Variants in MMP10 observed in about 807,000 individuals in gnomAD.
MMP10 encodes stromelysin-2.
A neutral mutation model predicts 49.1 loss-of-function variants in MMP10; 50 were observed. That is an observed-to-expected ratio of 1.02 (90% CI 0.81 to 1.29). The LOEUF (loss-of-function observed/expected upper bound fraction) is 1.29. MMP10 is among the 50% of genes most tolerant of loss of function. The pLI is 0.00. For synonymous variants in MMP10, 229 were observed against 201.6 expected, an observed-to-expected ratio of 1.14 and a Z score of -1.15; for missense variants, 613 against 563.8, an observed-to-expected ratio of 1.09 and a Z score of -0.88.
intron 7 of MMP10, among the ~76,000 whole-genome samples, chr11:102,773,843 T>C (rs778834710): frequency 2.0e-5 from 3 of 152,228 alleles, no homozygotes; most frequent in Non-Finnish European, 4.4e-5. Context: ...TTGTCATATG[T>C]AGGCTGCCAA....
chr11:102,775,647 G>T (rs1261082156), intron 6 of MMP10, among the ~76,000 whole-genome samples: 1 of 152,178 alleles, frequency 6.6e-6, no homozygotes, highest in Non-Finnish European at 1.5e-5. Context: ...AGCAGTGGTT[G>T]CACATATGAA....
At position 102,778,852 on chromosome 11, in the gene MMP10, C is replaced by T. The variant is rs539231895; in HGVS notation, c.497-103G>A. 5.9e-5 allele frequency: 81 copies of T among 1,376,024 alleles called. No homozygotes were observed. In the East Asian group the frequency reaches 8.6e-4, roughly 15 times the overall value. The allele number at this position is 1,376,024 out of a possible 1,614,324, so 85.2% of individuals were successfully genotyped here. On this transcript the variant is annotated intron_variant, in intron 3 of 9. Coordinates refer to ENST00000279441, the MANE Select transcript of MMP10 (RefSeq NM_002425.3). ...TCTATAGTCTGAATGTTGGTGTCTG[C>T]TGCAAATTCATATGTTGAAACTCAA...
chr11:102,777,518 A>G (rs1048333114), intron 4 of MMP10, among the ~76,000 whole-genome samples: 3 of 152,012 alleles, frequency 2.0e-5, no homozygotes, highest in African/African-American at 4.8e-5. Context: ...GCCTCCCAAA[A>G]TGCTGGGATT....
rs1446069177 is a variant in MMP10 at position 102,770,553 on chromosome 11, T to C, written c.*240A>G. 1 of 399,388 alleles carries C rather than the reference T, an allele frequency of 2.5e-6. No homozygotes were observed. Among genetic ancestry groups the C allele is most frequent in the East Asian group, 4.0e-5 (1 of 24,892 alleles). The allele number at this position is 399,388 out of a possible 1,614,324, so 24.7% of individuals were successfully genotyped here. A position where few individuals can be genotyped will look rare whatever the true frequency, so the allele number is the denominator to read the frequency against. On this transcript the variant is annotated 3_prime_UTR_variant, in exon 10 of 10. Coordinates refer to ENST00000279441, the MANE Select transcript of MMP10 (RefSeq NM_002425.3). Reference sequence around the variant, plus strand: ...TTTATTGAGGAAGTAATAACACATCTATGAAAATACATTCTCTCACCTATT... The same window carrying C: ...TTTATTGAGGAAGTAATAACACATCCATGAAAATACATTCTCTCACCTATT...
Position 102,779,212 on chromosome 11 carries a change from C to G in MMP10, c.496+1G>C. 6.2e-7 allele frequency: 1 copy of G among 1,612,556 alleles called. No homozygotes were observed. On this transcript the variant is annotated splice_donor_variant, in intron 3 of 9. Coordinates refer to ENST00000279441, the MANE Select transcript of MMP10 (RefSeq NM_002425.3). LOFTEE classifies it high-confidence loss of function. ...GATAAATGGATGCTTTATTTGATTA[C>G]CTTTAACTGCAAAAGAGATCATTAT...
intron 9 of MMP10, among the ~76,000 whole-genome samples, chr11:102,771,584 G>T (rs1374648878): frequency 6.6e-6 from 1 of 152,154 alleles, no homozygotes; most frequent in Non-Finnish European, 1.5e-5. Flanking sequence ...GCAGGCAATC[G>T]CAGACTGCAA....
chr11:102,776,566 C>T (rs769175191), intron 5 of MMP10, 46 bp downstream of exon 5: 2 of 1,590,032 alleles, frequency 1.3e-6, no homozygotes, highest in Non-Finnish European at 1.7e-6. Context: ...TTCTGGAGGA[C>T]TGTCATTGTA....
intron 9 of MMP10, among the ~76,000 whole-genome samples, chr11:102,771,802 T>C (rs1172354752): frequency 8.0e-6 from 1 of 125,306 alleles, no homozygotes; most frequent in Non-Finnish European, 1.7e-5. Flanking sequence ...ACTAGGAAGT[T>C]ATTCAGGAAA....
intron 4 of MMP10, among the ~76,000 whole-genome samples, chr11:102,777,561 C>A (rs886930932): frequency 2.0e-5 from 3 of 152,064 alleles, no homozygotes; most frequent in African/African-American, 4.8e-5. Context: ...TGGCCATAAT[C>A]AAATAATTTT....
At chr11:102,775,607 C>T (rs1278666175) in intron 6 of MMP10, among the ~76,000 whole-genome samples, 1 of 152,078 alleles carries the variant, frequency 6.6e-6, no homozygotes, top group African/African-American at 2.4e-5. Context: ...ATGAGTAGAA[C>T]ATTTTTGTAA....
intron 5 of MMP10, 80 bp from the exon 6 acceptor site, chr11:102,776,504 C>A: frequency 6.3e-7 from 1 of 1,582,774 alleles, no homozygotes; most frequent in South Asian, 1.1e-5. Context: ...TTCAAACATT[C>A]TCAAAGTGCT....
At chr11:102,777,319 A>G (rs1488037539) in intron 4 of MMP10, among the ~76,000 whole-genome samples, 1 of 151,780 alleles carries the variant, frequency 6.6e-6, no homozygotes, top group Non-Finnish European at 1.5e-5. Context: ...TTTGAGACAG[A>G]GTCTCATTCT....
chr11:102,772,100 G>T lies in MMP10; in HGVS notation c.1242C>A (p.Ser414Arg). Residue 414 changes from serine to arginine, a missense_variant, in exon 9 of 10, where the codon AGC becomes AGA. Coordinates refer to ENST00000279441, the MANE Select transcript of MMP10 (RefSeq NM_002425.3). The surrounding 1 kb of genome is among the most constrained non-coding windows in gnomAD (Gnocchi z 4.4). ...ADKYWRFDEN[S>R]QSMEQGFPRL... ...TAGGGAAGCCTTGCTCCATGGACTGGCTATTTTCATCAAATCTAAACCAAA... is the reference window on the plus strand; with the variant it reads ...TAGGGAAGCCTTGCTCCATGGACTGTCTATTTTCATCAAATCTAAACCAAA... The T allele has an allele frequency of 1.2e-6, 2 of 1,610,444 alleles. No homozygotes were observed. The highest frequency in any genetic ancestry group is 1.7e-6 in the Non-Finnish European group (2 of 1,176,996).
intron 4 of MMP10, 96 bp downstream of exon 4, chr11:102,778,528 G>T: frequency 6.8e-7 from 1 of 1,469,756 alleles, no homozygotes; most frequent in Non-Finnish European, 9.2e-7. Flanking sequence ...TCAGTTACTA[G>T]TATATTCGAT....
intron 7 of MMP10, among the ~76,000 whole-genome samples, chr11:102,774,598 A>G (rs1245159243): frequency 1.3e-5 from 2 of 152,194 alleles, no homozygotes; most frequent in Non-Finnish European, 2.9e-5. Flanking sequence ...AACAGACAAA[A>G]TTGGCAAATT....
intron 4 of MMP10, among the ~76,000 whole-genome samples, chr11:102,777,785 TA>T (rs1190344903): frequency 6.6e-6 from 1 of 152,100 alleles, no homozygotes; most frequent in Non-Finnish European, 1.5e-5. Context: ...GTTGTTCAAA[TA>T]AAAGGCAATC....
At chr11:102,780,352 G>T in intron 1 of MMP10, 135 bp downstream of exon 1, 1 of 689,390 alleles carries the variant, frequency 1.5e-6, no homozygotes, top group Non-Finnish European at 2.5e-6. Flanking sequence ...TCCACCTCCA[G>T]CCTGTTAATT....
Position 102,772,953 on chromosome 11 carries a change from C to A in MMP10, c.1120G>T (p.Gly374Cys), listed in dbSNP as rs764201572. ...GGAGGAAAACCCAGGGTATGGATGC[C>A]TCTTGGATAACCTGCTTGTACCTCA... The part of the protein sequence containing the change: ...GNEVQAGYPR[G>C]IHTLGFPPTI... Residue 374 changes from glycine to cysteine, a missense_variant, in exon 8 of 10, where the codon GGC (glycine) becomes TGC (cysteine). Coordinates refer to ENST00000279441, the MANE Select transcript of MMP10 (RefSeq NM_002425.3). The surrounding 1 kb of genome is among the most constrained non-coding windows in gnomAD (Gnocchi z 4.4). The A allele has an allele frequency of 4.3e-6, 7 of 1,613,510 alleles. No homozygotes were observed. The highest frequency in any genetic ancestry group is 1.3e-5 in the African/African-American group (1 of 74,990).
Position 102,770,869 on chromosome 11 carries a change from G to C in MMP10, c.1355C>G (p.Ser452Ter). 1 of 1,612,068 alleles carries C rather than the reference G, an allele frequency of 6.2e-7. No homozygotes were observed. Among genetic ancestry groups the C allele is most frequent in the Non-Finnish European group, 8.5e-7 (1 of 1,178,658 alleles). The change falls in exon 10 of 10, where the codon TCA becomes TGA. Residue 452 changes from serine to a stop codon, truncating the protein, a stop_gained. Transcript: ENST00000279441. LOFTEE classifies it high-confidence loss of function. Reference sequence around the variant, plus strand: ...ATTGGGGTCAAACTCAAACTGTGATGATCCACTGAAGAAGTAGAAAAATCC... The same window carrying C: ...ATTGGGGTCAAACTCAAACTGTGATCATCCACTGAAGAAGTAGAAAAATCC... The part of the protein sequence containing the change: ...AFGFFYFFSG[S>*]SQFEFDPNAR...
Sources: allele counts gnomAD v4.1 joint callset (sites outside exome capture counted in the v4.1 genomes callset), GRCh38; gene constraint gnomAD v4.1.1; non-coding constraint Gnocchi (gnomAD v3.1); transcripts MANE v1.5; gene names NCBI Gene and HGNC (gene_info 2026-07-23, HGNC 2026-07-21).